Variants in NDUFA9 observed in about 807,000 individuals in gnomAD.
NDUFA9 encodes NADH dehydrogenase [ubiquinone] 1 alpha subcomplex subunit 9, mitochondrial.
In NDUFA9, 23 loss-of-function variants were observed where a neutral mutation model predicts 45.9. That is an observed-to-expected ratio of 0.50 (90% confidence interval 0.36 to 0.71). NDUFA9 has a LOEUF of 0.71. NDUFA9 is among the 30% of genes least tolerant of loss of function. The probability of loss-of-function intolerance (pLI) is 0.00; values close to 1 mark genes in which losing one functional copy is unlikely to be tolerated. For missense variants in NDUFA9, 466 were observed against 488.2 expected (o/e 0.95, Z 0.43); for synonymous variants, 176 against 170.5 (o/e 1.03, Z -0.25).
chr12:4,676,061 A>G (rs879896815), intron 8 of NDUFA9, among the ~76,000 whole-genome samples: 1 of 152,382 alleles, frequency 6.6e-6, no homozygotes, highest in East Asian at 1.9e-4. Context: ...ATTTCAATAG[A>G]TGCAGAAGGC....
intron 9 of NDUFA9, among the ~76,000 whole-genome samples, chr12:4,683,971 C>T (rs763081430): frequency 4.6e-5 from 7 of 152,088 alleles, no homozygotes; most frequent in East Asian, 3.9e-4. Context: ...GCTTCAGTGC[C>T]GTGAAAGGGA....
At chr12:4,651,174 T>G (rs1356672359) in intron 1 of NDUFA9, among the ~76,000 whole-genome samples, 2 of 152,158 alleles carry the variant, frequency 1.3e-5, no homozygotes, top group African/African-American at 4.8e-5. Flanking sequence ...ATTAATGCAG[T>G]GTGCAAGCAA....
chr12:4,659,589 C>A (rs1945812245), intron 5 of NDUFA9, among the ~76,000 whole-genome samples: 1 of 152,166 alleles, frequency 6.6e-6, no homozygotes, highest in African/African-American at 2.4e-5. Flanking sequence ...AATGTGAAGG[C>A]TCAGAATGAC....
At chr12:4,671,341 A>G (rs1945885916) in intron 8 of NDUFA9, among the ~76,000 whole-genome samples, 1 of 152,212 alleles carries the variant, frequency 6.6e-6, no homozygotes, top group Non-Finnish European at 1.5e-5. Context: ...AAATCAATAT[A>G]TACTAGTAAA....
chr12:4,679,137 G>C (rs544248741), intron 8 of NDUFA9, among the ~76,000 whole-genome samples: 2 of 152,250 alleles, frequency 1.3e-5, no homozygotes, highest in South Asian at 4.1e-4. Context: ...TCAAAAACAT[G>C]GTAAATGAAA....
intron 1 of NDUFA9, among the ~76,000 whole-genome samples, chr12:4,649,829 T>A (rs557825780): frequency 6.6e-6 from 1 of 152,164 alleles, no homozygotes; most frequent in Non-Finnish European, 1.5e-5. Flanking sequence ...TATGTTAGAA[T>A]TTGTTAGCAT....
In NDUFA9 at chr12:4,687,936, G is replaced by C. The variant is rs1945997776; in HGVS notation, c.*828G>C. 1 of 152,220 alleles carries C rather than the reference G, an allele frequency of 6.6e-6. No individual in the cohort carries two copies. Among genetic ancestry groups the C allele is most frequent in the African/African-American group, 2.4e-5 (1 of 41,440 alleles). 9.4% of individuals were successfully genotyped at this position (152,220 alleles called of 1,614,324 possible). ...CCACCATCCTAGGTGACCCAGGGTT[G>C]GTCATTGTGTTTCACTGGACTTCAG... On this transcript the variant is annotated 3_prime_UTR_variant, in exon 11 of 11. Coordinates refer to ENST00000266544, the MANE Select transcript of NDUFA9 (RefSeq NM_005002.5).
intron 8 of NDUFA9, among the ~76,000 whole-genome samples, chr12:4,676,102 A>C (rs954894777): frequency 6.6e-6 from 1 of 152,236 alleles, no homozygotes; most frequent in Admixed American, 6.5e-5. Context: ...CCTTCATGCT[A>C]AGAACCCTCA....
chr12:4,692,261 T>C lies in NDUFA9; in HGVS notation c.*5153T>C, dbSNP rs1946022409. 6.6e-6 allele frequency: 1 copy of C among 152,130 alleles called. No individual in the cohort carries two copies. Among genetic ancestry groups the C allele is most frequent in the South Asian group, 2.1e-4 (1 of 4,828 alleles). 9.4% of individuals were successfully genotyped at this position (152,130 alleles called of 1,614,324 possible). On this transcript the variant is annotated 3_prime_UTR_variant, in exon 11 of 11. Coordinates refer to ENST00000266544, the MANE Select transcript of NDUFA9 (RefSeq NM_005002.5). ...CATGGAGTAGATTTATCATGAATGA[T>C]TTAGTACCATTCTCTTGGTACAATC...
intron 6 of NDUFA9, among the ~76,000 whole-genome samples, chr12:4,664,348 G>A (rs538652720): frequency 6.6e-5 from 10 of 152,346 alleles, no homozygotes; most frequent in African/African-American, 2.4e-4. Context: ...GTTTGAACTA[G>A]AAGGGGCAGA....
chr12:4,690,575 C>T lies in NDUFA9; in HGVS notation c.*3467C>T, dbSNP rs947099702. ...AAAAAATCAGCCAGGCATGGTGGGG[C>T]CCACCTGTATATAGTCCCAGCCCAG... is the stretch of plus-strand genomic sequence containing the variant. On this transcript the variant is annotated 3_prime_UTR_variant, in exon 11 of 11. Transcript: ENST00000266544. 2.0e-5 allele frequency: 3 copies of T among 152,050 alleles called. No homozygotes were observed. The highest frequency in any genetic ancestry group is 7.3e-5 in the African/African-American group (3 of 41,364). 9.4% of individuals were successfully genotyped at this position (152,050 alleles called of 1,614,324 possible). A position where few individuals can be genotyped will look rare whatever the true frequency, so the allele number is the denominator to read the frequency against.
intron 1 of NDUFA9, among the ~76,000 whole-genome samples, chr12:4,650,226 A>C (rs1945749339): frequency 6.6e-6 from 1 of 151,930 alleles, no homozygotes; most frequent in Admixed American, 6.6e-5. Context: ...AAGAATTAGG[A>C]GTGTTTAGAG....
In NDUFA9 at chr12:4,688,480, G is replaced by GA. The variant is rs541489554; in HGVS notation, c.*1389dup. On this transcript the variant is annotated 3_prime_UTR_variant, in exon 11 of 11. Coordinates refer to ENST00000266544, the MANE Select transcript of NDUFA9 (RefSeq NM_005002.5). Reference sequence around the variant, plus strand: ...AGCTTGGACTGAAGATCCTGTCTCAGAAAAAAAAAAAAAAAAAGGCAGAAT... The same window carrying GA: ...AGCTTGGACTGAAGATCCTGTCTCAGAAAAAAAAAAAAAAAAAAGGCAGAAT... 128,506 of 132,022 alleles carry GA rather than the reference G, an allele frequency of 0.97. 62,621 individuals carry two copies. The highest frequency in any genetic ancestry group is 1 in the East Asian group (4,506 of 4,524). 8.2% of individuals were successfully genotyped at this position (132,022 alleles called of 1,614,324 possible).
intron 7 of NDUFA9, chr12:4,668,753 G>A: frequency 2.0e-6 from 1 of 512,738 alleles, no homozygotes; most frequent in East Asian, 3.3e-5. Context: ...CATCATACAT[G>A]TCACATGTCA....
At chr12:4,655,687 G>T (rs1175310440) in intron 3 of NDUFA9, 1 of 152,108 alleles carries the variant, frequency 6.6e-6, no homozygotes, top group Non-Finnish European at 1.5e-5. Context: ...ATTTAACTTA[G>T]AACAGTCCTT....
Position 4,666,295 on chromosome 12 carries a change from T to C in NDUFA9, c.656-2162T>C, listed in dbSNP as rs141985303. Among the ~76,000 whole-genome samples the C allele has an allele frequency of 2.6e-3, 402 of 152,344 alleles. 1 individual carries two copies. The highest frequency in any genetic ancestry group is 0.01 in the Middle Eastern group (3 of 294). On this transcript the variant is annotated intron_variant, in intron 6 of 10. Transcript: ENST00000266544. ...ATTTATTCAGAACATTAAATACTTA[T>C]CAGATATGTGATTTGTAAAATTTTC...
At chr12:4,667,943 C>CT (rs1462769593) in intron 6 of NDUFA9, among the ~76,000 whole-genome samples, 3 of 152,012 alleles carry the variant, frequency 2.0e-5, no homozygotes, top group Non-Finnish European at 2.9e-5. Flanking sequence ...ATTATCTCAC[C>CT]TTTTTTTCAA....
In NDUFA9 at chr12:4,690,726, TAA is replaced by T. The variant is rs1565574970; in HGVS notation, c.*3619_*3620del. On this transcript the variant is annotated 3_prime_UTR_variant, in exon 11 of 11. Transcript: ENST00000266544. ...CTCTGTCTAAAATAAATAATAATAA[TAA>T]TAATAATAAAGGTACATGATGGAAG... The T allele has an allele frequency of 6.6e-6, 1 of 151,392 alleles. No homozygotes were observed. The highest frequency in any genetic ancestry group is 1.5e-5 in the Non-Finnish European group (1 of 67,876). 9.4% of individuals were successfully genotyped at this position (151,392 alleles called of 1,614,324 possible).
At chr12:4,686,693 C>T (rs1383704545) in intron 10 of NDUFA9, among the ~76,000 whole-genome samples, 5 of 152,250 alleles carry the variant, frequency 3.3e-5, no homozygotes, top group South Asian at 2.1e-4. Flanking sequence ...ATCCTGTGCT[C>T]GCGGCTGCCA....
Sources: gnomAD v4.1 joint callset for allele counts (sites outside exome capture counted in the v4.1 genomes callset) on GRCh38, gnomAD v4.1.1 for gene constraint, MANE v1.5 for transcripts, NCBI Gene and HGNC (gene_info 2026-07-23, HGNC 2026-07-21) for gene names.